DAG1: variants seen among roughly 807,000 people sequenced by gnomAD.
The protein encoded by DAG1 is dystroglycan 1, also known as dystroglycan 1 (dystrophin-associated glycoprotein 1).
Under a neutral mutation model 46.1 loss-of-function variants are expected in DAG1, and 8 were observed. The ratio of observed to expected loss-of-function variants is 0.17; its 90% CI spans 0.10 to 0.31. DAG1 has a LOEUF of 0.31. DAG1 is among the 10% of genes least tolerant of loss of function. DAG1 has a pLI of 1.00. For synonymous variants in DAG1, 495 were observed against 481.8 expected, an observed-to-expected ratio of 1.03 and a Z score of -0.36; for missense variants, 1,003 against 1,189.9, an observed-to-expected ratio of 0.84 and a Z score of 2.31.
At chr3:49,474,698 G>A (rs1358876915) in intron 1 of DAG1, among the ~76,000 whole-genome samples, 2 of 151,842 alleles carry the variant, frequency 1.3e-5, no homozygotes, top group African/African-American at 4.8e-5. Context: ...TCCCAGGCTG[G>A]TCTCGAACTT....
chr3:49,520,931 A>C (rs1353859084), intron 2 of DAG1, among the ~76,000 whole-genome samples: 1 of 152,118 alleles, frequency 6.6e-6, no homozygotes, highest in Non-Finnish European at 1.5e-5. Context: ...TCTTGGTTTC[A>C]TAAGCCAATT....
intron 2 of DAG1, among the ~76,000 whole-genome samples, chr3:49,530,119 C>T (rs1389361739): frequency 6.6e-6 from 1 of 152,174 alleles, no homozygotes; most frequent in Non-Finnish European, 1.5e-5. Context: ...ATTCTAGTCT[C>T]TGCTCCCTGG....
chr3:49,485,875 A>G (rs1021718989), intron 1 of DAG1, among the ~76,000 whole-genome samples: 1 of 151,786 alleles, frequency 6.6e-6, no homozygotes. Context: ...TGCCCAGGCT[A>G]GTCTCAAACT....
chr3:49,515,413 G>A (rs1446523487), intron 2 of DAG1, among the ~76,000 whole-genome samples: 1 of 147,836 alleles, frequency 6.8e-6, no homozygotes, highest in East Asian at 2.0e-4. Flanking sequence ...TTGAGACAGG[G>A]TCTTGCTCTG....
chr3:49,497,607 GTC>G (rs971314278), intron 1 of DAG1, among the ~76,000 whole-genome samples: 19 of 151,582 alleles, frequency 1.3e-4, no homozygotes, highest in African/African-American at 4.4e-4. Flanking sequence ...TTGAGAGACT[GTC>G]TCTCAAAAAA....
chr3:49,513,813 C>T (rs2050824386), intron 2 of DAG1, among the ~76,000 whole-genome samples: 1 of 152,162 alleles, frequency 6.6e-6, no homozygotes, highest in Non-Finnish European at 1.5e-5. Context: ...GCTAATCTGA[C>T]CATTAGATAC....
intron 1 of DAG1, among the ~76,000 whole-genome samples, chr3:49,504,862 C>T (rs533677288): frequency 1.4e-5 from 2 of 147,534 alleles, no homozygotes; most frequent in African/African-American, 5.0e-5. Flanking sequence ...CCACCCGCCT[C>T]GGCCTCCCAA....
intron 2 of DAG1, 124 bp downstream of exon 2, chr3:49,510,943 G>T (rs1003606394): frequency 4.6e-6 from 7 of 1,534,428 alleles, no homozygotes; most frequent in Non-Finnish European, 6.1e-6. Flanking sequence ...TACCCCCTTA[G>T]AAGAGGGACA....
chr3:49,479,986 G>A (rs1244304781), intron 1 of DAG1, among the ~76,000 whole-genome samples: 1 of 132,062 alleles, frequency 7.6e-6, no homozygotes, highest in Non-Finnish European at 1.6e-5. Flanking sequence ...GTCTCGCTCT[G>A]TCACCCAGGC....
chr3:49,527,684 T>TA (rs2051221491), intron 2 of DAG1, among the ~76,000 whole-genome samples: 1 of 151,670 alleles, frequency 6.6e-6, no homozygotes, highest in South Asian at 2.1e-4. Flanking sequence ...GCCTGGGTGA[T>TA]AGAGTGAGAC....
At chr3:49,491,397 T>C (rs1026336696) in intron 1 of DAG1, among the ~76,000 whole-genome samples, 1 of 151,056 alleles carries the variant, frequency 6.6e-6, no homozygotes, top group African/African-American at 2.4e-5. Flanking sequence ...CTGCAGCCTC[T>C]GCCTCCTGGG....
At chr3:49,513,203 A>G (rs1559566242) in intron 2 of DAG1, among the ~76,000 whole-genome samples, 1 of 152,006 alleles carries the variant, frequency 6.6e-6, no homozygotes, top group Non-Finnish European at 1.5e-5. Context: ...CATGGCTGGC[A>G]AGTTGATGCT....
At chr3:49,503,853 T>G (rs1313489289) in intron 1 of DAG1, among the ~76,000 whole-genome samples, 8 of 152,026 alleles carry the variant, frequency 5.3e-5, no homozygotes, top group Non-Finnish European at 5.9e-5. Context: ...AAAAAGAAAT[T>G]TAAAGGTTTT....
intron 1 of DAG1, among the ~76,000 whole-genome samples, chr3:49,502,375 T>C (rs1575374980): frequency 6.6e-6 from 1 of 152,118 alleles, no homozygotes; most frequent in East Asian, 1.9e-4. Context: ...ATTTGGTCCC[T>C]TTTGCTGAGT....
At position 49,531,751 on chromosome 3, in the gene DAG1, A is replaced by T. The variant is rs768983113; in HGVS notation, c.1240A>T (p.Thr414Ser). The change falls in exon 3 of 3, where the codon ACT (threonine) becomes TCT (serine). Residue 414 changes from threonine (T) to serine (S), a missense_variant. Thr to Ser is a moderately conservative substitution (Grantham distance 58). This residue lies in a region of DAG1 where 755 missense variants were observed against 854.1 expected (regional missense o/e 0.88). Transcript: ENST00000308775. The surrounding 1 kb of genome is among the most constrained non-coding windows in gnomAD (Gnocchi z 7.0). ...GACCATTCCTGGCTATGTGGAGCCT[A>T]CTGCAGTTGCTACCCCTCCCACAAC... Reference protein sequence around the residue: ...TMTIPGYVEPTAVATPPTTTT... With the variant: ...TMTIPGYVEPSAVATPPTTTT... 5.8e-5 allele frequency: 94 copies of T among 1,613,690 alleles called. No homozygotes were observed. The highest frequency in any genetic ancestry group is 7.9e-5 in the Non-Finnish European group (93 of 1,179,938).
At chr3:49,523,421 G>A (rs1436241487) in intron 2 of DAG1, among the ~76,000 whole-genome samples, 1 of 152,058 alleles carries the variant, frequency 6.6e-6, no homozygotes, top group East Asian at 1.9e-4. Context: ...CAGGTCTTTG[G>A]GTTCTCACCT....
intron 2 of DAG1, among the ~76,000 whole-genome samples, chr3:49,529,862 G>A (rs752033152): frequency 1.4e-4 from 21 of 152,102 alleles, no homozygotes; most frequent in Admixed American, 2.6e-4. Context: ...GCATTTCCTT[G>A]GGTGCTCTGA....
intron 2 of DAG1, among the ~76,000 whole-genome samples, chr3:49,520,981 T>G (rs2051011655): frequency 6.6e-6 from 1 of 152,150 alleles, no homozygotes; most frequent in Non-Finnish European, 1.5e-5. Flanking sequence ...TTCTTCAGTT[T>G]TGTTTTTCAG....
chr3:49,504,895 G>A (rs2050560231), intron 1 of DAG1, among the ~76,000 whole-genome samples: 1 of 148,514 alleles, frequency 6.7e-6, no homozygotes, highest in African/African-American at 2.5e-5. Flanking sequence ...ACAGGTGTGA[G>A]CCACTGTGCC....
Sources: gnomAD v4.1 joint callset for allele counts (sites outside exome capture counted in the v4.1 genomes callset) on GRCh38, gnomAD v4.1.1 for gene constraint, gnomAD v4.1.1 regional missense constraint, Gnocchi (gnomAD v3.1) non-coding constraint, MANE v1.5 for transcripts, NCBI Gene and HGNC (gene_info 2026-07-23, HGNC 2026-07-21) for gene names.